KDM4C: variants seen among roughly 807,000 people sequenced by gnomAD.
The protein encoded by KDM4C is lysine-specific demethylase 4C.
A neutral mutation model predicts 129.3 loss-of-function variants in KDM4C; 81 were observed. The observed-to-expected ratio is 0.63, with a 90% CI of 0.52 to 0.75. The LOEUF (loss-of-function observed/expected upper bound fraction) is 0.75, where lower values mean the gene tolerates loss of function less well. Among genes scored for constraint, KDM4C ranks in the 30% least tolerant of loss-of-function variants. KDM4C has a pLI of 0.00. For synonymous variants in KDM4C, 573 were observed against 456.1 expected, an observed-to-expected ratio of 1.26 and a Z score of -3.26; for missense variants, 1,457 against 1,304.0, an observed-to-expected ratio of 1.12 and a Z score of -1.81.
At chr9:6,985,865 A>G (rs1001981090) in intron 10 of KDM4C, among the ~76,000 whole-genome samples, 2 of 152,148 alleles carry the variant, frequency 1.3e-5, no homozygotes, top group East Asian at 1.9e-4. Context: ...TAATTTTTAT[A>G]TTTTTAGTAG....
chr9:7,070,565 AAATC>A (rs1261812644), intron 17 of KDM4C, among the ~76,000 whole-genome samples: 11 of 152,198 alleles, frequency 7.2e-5, no homozygotes, highest in Non-Finnish European at 1.5e-4. Context: ...TAACTTTTTA[AAATC>A]AATCAATGTA....
At chr9:7,079,354 C>T (rs974689681) in intron 17 of KDM4C, among the ~76,000 whole-genome samples, 5 of 152,170 alleles carry the variant, frequency 3.3e-5, no homozygotes, top group Non-Finnish European at 4.4e-5. Flanking sequence ...GATGGAGTCT[C>T]GCTGTGTTGC....
At chr9:6,820,844 A>T (rs1251801767) in intron 4 of KDM4C, among the ~76,000 whole-genome samples, 2 of 151,174 alleles carry the variant, frequency 1.3e-5, no homozygotes, top group South Asian at 4.2e-4. Flanking sequence ...CACAGTAGAT[A>T]TTTCTCCTAA....
At chr9:7,022,030 C>T (rs952650099) in intron 15 of KDM4C, among the ~76,000 whole-genome samples, 6 of 152,076 alleles carry the variant, frequency 3.9e-5, no homozygotes, top group Non-Finnish European at 8.8e-5. Flanking sequence ...GTTTTTATGC[C>T]ATTACCATGT....
rs140034791 is a variant in KDM4C at position 7,140,826 on chromosome 9, C to T, written c.2781+12590C>T. On this transcript the variant is annotated intron_variant, in intron 19 of 21. Coordinates refer to ENST00000381309, the MANE Select transcript of KDM4C (RefSeq NM_015061.6). Reference sequence around the variant, plus strand: ...CGCAGCATGTATAAAAGATGTGCTTCGAATTGAGAGAAGTCCTGGGATGAC... The same window carrying T: ...CGCAGCATGTATAAAAGATGTGCTTTGAATTGAGAGAAGTCCTGGGATGAC... Among the ~76,000 whole-genome samples, 460 of 152,170 alleles carry T rather than the reference C, an allele frequency of 3.0e-3. 3 individuals carry two copies. Among genetic ancestry groups the T allele is most frequent in the African/African-American group, 0.011 (442 of 41,522 alleles).
rs79150702 is a variant in KDM4C, at chr9:6,847,944, A to G, written c.436-1563A>G. Among the ~76,000 whole-genome samples the G allele has an allele frequency of 2.3e-3, 345 of 152,226 alleles. 8 individuals are homozygous for G. In the East Asian group the frequency reaches 0.047, roughly 21 times the overall value. On this transcript the variant is annotated intron_variant, in intron 4 of 21. Coordinates refer to ENST00000381309, the MANE Select transcript of KDM4C (RefSeq NM_015061.6). ...TAAAGACCAAAATGAAAACAGAACA[A>G]CTCTAAAAGCTTTTAGTGTGTTCAG...
rs568641575 is a variant in KDM4C, at chr9:7,166,348, T to A, written c.2901+991T>A. On this transcript the variant is annotated intron_variant, in intron 20 of 21. Transcript: ENST00000381309. ...CTGGAGCACAGTGTAATTAAAGGTG[T>A]TCAAAGAAGTTTGAAAAACTTAGGA... Among the ~76,000 whole-genome samples the A allele has an allele frequency of 2.0e-5, 3 of 152,294 alleles. No homozygotes were observed. In the South Asian group the frequency reaches 6.2e-4, roughly 32 times the overall value.
intron 1 of KDM4C, among the ~76,000 whole-genome samples, chr9:6,722,377 G>T (rs1182798963): frequency 6.6e-6 from 1 of 152,108 alleles, no homozygotes; most frequent in Non-Finnish European, 1.5e-5. Context: ...ACCCATCAGT[G>T]AATATTTAGA....
chr9:6,983,535 A>G (rs1384588391), intron 9 of KDM4C, among the ~76,000 whole-genome samples: 1 of 149,358 alleles, frequency 6.7e-6, no homozygotes, highest in Non-Finnish European at 1.5e-5. Context: ...CAGGAGTTCT[A>G]GACCACCCGG....
chr9:6,855,556 T>G (rs2130292768), intron 5 of KDM4C, among the ~76,000 whole-genome samples: 1 of 150,460 alleles, frequency 6.6e-6, no homozygotes, highest in African/African-American at 2.4e-5. Context: ...CATGGCTCAG[T>G]CTAGGAAATC....
intron 15 of KDM4C, 103 bp from the exon 16 acceptor site, chr9:7,046,753 GTTTTAA>G (rs1272080650): frequency 7.3e-6 from 6 of 825,594 alleles, no homozygotes; most frequent in Non-Finnish European, 1.2e-5. Flanking sequence ...ATTCCTGATG[GTTTTAA>G]TTTTAGAATG....
chr9:7,169,676 G>T, intron 20 of KDM4C, 122 bp from the exon 21 acceptor site: 1 of 743,530 alleles, frequency 1.3e-6, no homozygotes, highest in Non-Finnish European at 2.1e-6. Context: ...CTTGGTTGTT[G>T]GCTGGTTCCC....
At position 7,008,423 on chromosome 9, in the gene KDM4C, C is replaced by T. The variant is rs552078903; in HGVS notation, c.1787-3275C>T. 1.9e-3 allele frequency among the ~76,000 whole-genome samples: 284 copies of T among 152,298 alleles called. 1 individual carries two copies. Among genetic ancestry groups the T allele is most frequent in the Non-Finnish European group, 3.1e-3 (209 of 68,028 alleles). On this transcript the variant is annotated intron_variant, in intron 12 of 21. Coordinates refer to ENST00000381309, the MANE Select transcript of KDM4C (RefSeq NM_015061.6). ...CTGCCTCAACAGTAGCCAGCATTTG[C>T]AGTCCCAGACTCCAGGCTCACTCCA...
At chr9:7,089,957 A>T (rs1350239589) in intron 17 of KDM4C, among the ~76,000 whole-genome samples, 1 of 152,256 alleles carries the variant, frequency 6.6e-6, no homozygotes, top group African/African-American at 2.4e-5. Flanking sequence ...AGCAGAATGC[A>T]GCTGCCTGCC....
At chr9:6,898,924 T>C (rs1027899422) in intron 8 of KDM4C, among the ~76,000 whole-genome samples, 1 of 152,170 alleles carries the variant, frequency 6.6e-6, no homozygotes, top group Admixed American at 6.5e-5. Context: ...TCTGTTCCTG[T>C]GACATGTGAA....
intron 1 of KDM4C, among the ~76,000 whole-genome samples, chr9:6,726,326 C>A (rs1227516282): frequency 6.6e-6 from 1 of 152,148 alleles, no homozygotes. Flanking sequence ...TGAAGGTTTT[C>A]TCGACTGACT....
chr9:7,114,598 A>T (rs1346926633), intron 18 of KDM4C, among the ~76,000 whole-genome samples: 2 of 152,164 alleles, frequency 1.3e-5, no homozygotes, highest in East Asian at 3.9e-4. Flanking sequence ...AAAACTGCAA[A>T]TTGACCCTGA....
intron 18 of KDM4C, among the ~76,000 whole-genome samples, chr9:7,120,770 T>C (rs1839404471): frequency 6.6e-6 from 1 of 152,214 alleles, no homozygotes; most frequent in Non-Finnish European, 1.5e-5. Flanking sequence ...CTCAAGTCTT[T>C]CTTACATCAT....
chr9:7,000,712 A>G (rs542280876), intron 12 of KDM4C, among the ~76,000 whole-genome samples: 1 of 152,278 alleles, frequency 6.6e-6, no homozygotes, highest in East Asian at 1.9e-4. Flanking sequence ...CAAGTGTGTT[A>G]CTTTACATTT....
Sources: gnomAD v4.1 joint callset for allele counts (sites outside exome capture counted in the v4.1 genomes callset) on GRCh38, gnomAD v4.1.1 for gene constraint, MANE v1.5 for transcripts, NCBI Gene and HGNC (gene_info 2026-07-23, HGNC 2026-07-21) for gene names.